WDR62: variants seen among roughly 807,000 people sequenced by gnomAD.
The protein encoded by WDR62 is WD repeat-containing protein 62.
A neutral mutation model predicts 160.6 loss-of-function variants in WDR62; 112 were observed. The observed-to-expected ratio is 0.70, with a 90% CI of 0.60 to 0.82. WDR62 has a LOEUF of 0.82. Ranked by LOEUF, WDR62 falls within the 40% of genes least tolerant of loss-of-function variation. The pLI is 0.00. For synonymous variants in WDR62, 792 were observed against 815.1 expected, an observed-to-expected ratio of 0.97 and a Z score of 0.48; for missense variants, 1,819 against 1,983.8, an observed-to-expected ratio of 0.92 and a Z score of 1.58.
intron 9 of WDR62, chr19:36,074,064 T>C: frequency 3.5e-6 from 1 of 284,856 alleles, no homozygotes; most frequent in South Asian, 3.7e-5. Context: ...TTTGGGAATC[T>C]GAGGCGGGAG....
At chr19:36,094,575 A>C (rs1972842346) in intron 20 of WDR62, among the ~76,000 whole-genome samples, 1 of 150,604 alleles carries the variant, frequency 6.6e-6, no homozygotes, top group East Asian at 1.9e-4. Context: ...TAATAATAAT[A>C]ATATAAATAA....
At position 36,103,930 on chromosome 19, in the gene WDR62, G is replaced by A. The variant is rs780831451; in HGVS notation, c.4102G>A (p.Ala1368Thr). The A allele has an allele frequency of 6.3e-7, 1 of 1,599,044 alleles. No homozygotes were observed. Among genetic ancestry groups the A allele is most frequent in the Non-Finnish European group, 8.5e-7 (1 of 1,179,940 alleles). The change falls in exon 30 of 32, where the codon GCC becomes ACC. Residue 1368 changes from alanine to threonine, a missense_variant. By Grantham distance (58) the Ala-to-Thr change is moderately conservative (BLOSUM62 0). Coordinates refer to ENST00000401500, the MANE Select transcript of WDR62 (RefSeq NM_001083961.2). ...AHPSNPQLPE[A>T]RPGIPGGTAS... ...CCCCAGTAACCCCCAGCTTCCAGAGGCCCGGCCTGGCATCCCTGGCGGCAC... is the reference window on the plus strand; with the variant it reads ...CCCCAGTAACCCCCAGCTTCCAGAGACCCGGCCTGGCATCCCTGGCGGCAC...
intron 9 of WDR62, among the ~76,000 whole-genome samples, chr19:36,078,555 C>T (rs948413816): frequency 6.6e-6 from 1 of 151,896 alleles, no homozygotes; most frequent in African/African-American, 2.4e-5. Context: ...AAACAGTAGG[C>T]CCAGCGTGGT....
chr19:36,081,123 T>G (rs1321105691), intron 9 of WDR62, among the ~76,000 whole-genome samples: 1 of 152,210 alleles, frequency 6.6e-6, no homozygotes, highest in Non-Finnish European at 1.5e-5. Context: ...CTTGCTAGAC[T>G]CTGTTGCTTC....
intron 9 of WDR62, among the ~76,000 whole-genome samples, chr19:36,081,090 T>G (rs1971870443): frequency 6.6e-6 from 1 of 152,198 alleles, no homozygotes; most frequent in African/African-American, 2.4e-5. Flanking sequence ...CTCCCCTGAT[T>G]TAATAATTCC....
At chr19:36,069,560 A>G (rs1971168593) in intron 7 of WDR62, among the ~76,000 whole-genome samples, 1 of 151,874 alleles carries the variant, frequency 6.6e-6, no homozygotes, top group East Asian at 2.0e-4. Context: ...GCGGCCAGGC[A>G]GAGACGCTCC....
chr19:36,106,457 A>G (rs192481537), downstream of WDR62, among the ~76,000 whole-genome samples: 80 of 151,852 alleles, frequency 5.3e-4, no homozygotes, highest in African/African-American at 1.9e-3. Context: ...CCTCATGGCC[A>G]CTCACCTTCT....
chr19:36,055,513 G>A (rs1301473410), intron 1 of WDR62, among the ~76,000 whole-genome samples: 1 of 152,200 alleles, frequency 6.6e-6, no homozygotes, highest in African/African-American at 2.4e-5. Context: ...CCCCCGCTGA[G>A]TCATTAAGGT....
At chr19:36,064,711 G>A (rs1028140280) in intron 3 of WDR62, among the ~76,000 whole-genome samples, 9 of 152,160 alleles carry the variant, frequency 5.9e-5, no homozygotes, top group South Asian at 2.1e-4. Context: ...CCGAGTAGCC[G>A]GGATTACAGG....
intron 16 of WDR62, 86 bp downstream of exon 16, chr19:36,090,606 C>T: frequency 7.7e-7 from 1 of 1,290,676 alleles, no homozygotes. Flanking sequence ...TGCCCTTGGT[C>T]CTTCCTCAGT....
chr19:36,070,512 C>T (rs1971240457), intron 7 of WDR62: 1 of 152,242 alleles, frequency 6.6e-6, no homozygotes, highest in Non-Finnish European at 1.5e-5. Flanking sequence ...TGAGTCAAAG[C>T]TGTTTTCCCA....
chr19:36,095,891 G>A (rs1167041711), intron 20 of WDR62, among the ~76,000 whole-genome samples: 1 of 152,172 alleles, frequency 6.6e-6, no homozygotes, highest in Non-Finnish European at 1.5e-5. Context: ...CTGTATGTTG[G>A]TGAATACAAA....
intron 21 of WDR62, among the ~76,000 whole-genome samples, chr19:36,097,890 ATAAAAAT>A (rs1299655351): frequency 6.7e-6 from 1 of 150,226 alleles, no homozygotes; most frequent in African/African-American, 2.4e-5. Context: ...CATAAAAAAA[ATAAAAAT>A]AAAAAAGAAA....
intron 1 of WDR62, 28 bp downstream of exon 1, chr19:36,055,176 C>G: frequency 6.3e-7 from 1 of 1,592,468 alleles, no homozygotes; most frequent in Non-Finnish European, 8.5e-7. Context: ...ATGTCTACCC[C>G]AGTTCCAGGC....
rs759700371 is a variant in WDR62 at position 36,086,769 on chromosome 19, G to T, written c.1725G>T (p.Thr575=). The change falls in exon 13 of 32, where the codon ACG becomes ACT. Residue 575 remains threonine (T), a synonymous_variant. Coordinates refer to ENST00000401500, the MANE Select transcript of WDR62 (RefSeq NM_001083961.2). The part of the protein sequence containing the change: ...NVEKNYNLEQ[T]LDDHSSSITA... ...AGAAGAACTACAACCTGGAGCAGACGCTGGATGACCACTCCTCCTCCATCA... is the reference window on the plus strand; with the variant it reads ...AGAAGAACTACAACCTGGAGCAGACTCTGGATGACCACTCCTCCTCCATCA... 5.0e-6 allele frequency: 8 copies of T among 1,609,204 alleles called. No individual in the cohort carries two copies. The highest frequency in any genetic ancestry group is 6.8e-6 in the Non-Finnish European group (8 of 1,177,472).
intron 23 of WDR62, 92 bp from the exon 24 acceptor site, chr19:36,101,122 C>A: frequency 7.1e-6 from 9 of 1,272,102 alleles, no homozygotes; most frequent in Non-Finnish European, 1.0e-5. Context: ...GCAGGAGCAG[C>A]GGGTACAGGT....
At chr19:36,086,948 CTG>C (rs944015862) in intron 13 of WDR62, 136 bp downstream of exon 13, 2 of 1,329,742 alleles carry the variant, frequency 1.5e-6, no homozygotes, top group African/African-American at 2.9e-5. Flanking sequence ...AGAATAATGA[CTG>C]GGGCCGGGTG....
Position 36,055,031 on chromosome 19 carries a change from T to TGTC in WDR62, c.61_63dup (p.Val21dup), listed in dbSNP as rs1377904513. The TGTC allele has an allele frequency of 6.2e-7, 1 of 1,607,964 alleles. No individual in the cohort carries two copies. Among genetic ancestry groups the TGTC allele is most frequent in the African/African-American group, 1.3e-5 (1 of 74,978 alleles). ...ACGATGCAGGGGAGAAGCTGCCCTC[T>TGTC]GTCATGGCGGGAGTTCCGGCGCGGA... On this transcript the variant is annotated inframe_insertion, in exon 1 of 32. Transcript: ENST00000401500.
chr19:36,096,726 A>AC (rs1972988357), intron 20 of WDR62, among the ~76,000 whole-genome samples: 1 of 151,908 alleles, frequency 6.6e-6, no homozygotes, highest in Non-Finnish European at 1.5e-5. Context: ...AAGAAAAAAA[A>AC]AGAGAACCCC....
Sources: gnomAD v4.1 joint callset for allele counts (sites outside exome capture counted in the v4.1 genomes callset) on GRCh38, gnomAD v4.1.1 for gene constraint, MANE v1.5 for transcripts, NCBI Gene and HGNC (gene_info 2026-07-23, HGNC 2026-07-21) for gene names.